The following CCDC170 variants were observed in gnomAD, a reference collection of about 807,000 sequenced individuals.
CCDC170 encodes the protein coiled-coil domain-containing protein 170.
A neutral mutation model predicts 72.6 loss-of-function variants in CCDC170; 69 were observed. The ratio of observed to expected loss-of-function variants is 0.95; its 90% CI spans 0.78 to 1.16. The LOEUF (loss-of-function observed/expected upper bound fraction) is 1.16. CCDC170 is among the 50% of genes most tolerant of loss of function. CCDC170 has a pLI of 0.00. For synonymous variants in CCDC170, 300 were observed against 303.9 expected, an observed-to-expected ratio of 0.99 and a Z score of 0.13; for missense variants, 852 against 832.5, an observed-to-expected ratio of 1.02 and a Z score of -0.29.
chr6:151,509,217 T>TCTATCTAC (rs571967245), intron 1 of CCDC170, among the ~76,000 whole-genome samples: 1,307 of 112,526 alleles, frequency 0.012, 12 homozygotes, highest in Middle Eastern at 0.029. Flanking sequence ...CATCTATCTA[T>TCTATCTAC]CTATGTATCT....
chr6:151,536,231 T>C (rs1712860818), intron 1 of CCDC170, 87 bp from the exon 2 acceptor site: 9 of 1,462,148 alleles, frequency 6.2e-6, no homozygotes, highest in Non-Finnish European at 8.6e-6. Context: ...AGAATGCTTC[T>C]GCCTTTAATC....
At chr6:151,511,966 C>T (rs1782156701) in intron 1 of CCDC170, among the ~76,000 whole-genome samples, 1 of 152,016 alleles carries the variant, frequency 6.6e-6, no homozygotes, top group South Asian at 2.1e-4. Flanking sequence ...CCCACCTCAG[C>T]CTCCTGAGTA....
chr6:151,519,181 C>T (rs1014598833), intron 1 of CCDC170, among the ~76,000 whole-genome samples: 25 of 152,266 alleles, frequency 1.6e-4, no homozygotes, highest in Middle Eastern at 3.4e-3. Context: ...ATCTCAACTG[C>T]ATAAGACAGA....
rs748508645 is a variant in CCDC170, at chr6:151,536,458, C to A, written c.186+12C>A. The A allele has an allele frequency of 1.2e-6, 2 of 1,613,438 alleles. No homozygotes were observed. On this transcript the variant is annotated intron_variant, in intron 2 of 10. Coordinates refer to ENST00000239374, the MANE Select transcript of CCDC170 (RefSeq NM_025059.4). Reference sequence around the variant, plus strand: ...GTGCTCAGTCTGAGGTAAGATAATGCATTTCCAGCACTCAGAAATGGGCCT... The same window carrying A: ...GTGCTCAGTCTGAGGTAAGATAATGAATTTCCAGCACTCAGAAATGGGCCT...
chr6:151,568,965 G>T (rs1776179221), intron 5 of CCDC170, among the ~76,000 whole-genome samples: 1 of 152,124 alleles, frequency 6.6e-6, no homozygotes, highest in Non-Finnish European at 1.5e-5. Context: ...AGGGCCAAAA[G>T]ATAAGTGCAT....
At chr6:151,496,907 T>A (rs965532554) in intron 1 of CCDC170, among the ~76,000 whole-genome samples, 4 of 152,198 alleles carry the variant, frequency 2.6e-5, no homozygotes, top group Non-Finnish European at 5.9e-5. Flanking sequence ...CAAGAGAGTG[T>A]CTGACAGAAT....
At position 151,593,182 on chromosome 6, in the gene CCDC170, CG is replaced by C. The variant is rs750613107; in HGVS notation, c.1371del (p.Leu458TrpfsTer5). 1.9e-6 allele frequency: 3 copies of C among 1,614,028 alleles called. No homozygotes were observed. In the East Asian group the frequency reaches 6.7e-5, roughly 36 times the overall value. On this transcript the variant is annotated frameshift_variant, in exon 8 of 11. Coordinates refer to ENST00000239374, the MANE Select transcript of CCDC170 (RefSeq NM_025059.4). LOFTEE classifies it high-confidence loss of function. ...GGCTGCCGAACTTGGCTTTGACATG[CG>C]GCTGGACGTGGTTTTAGCTCGAACA... ...QMAAELGFDM[R>X]LDVVLARTEQ...
chr6:151,573,529 C>T (rs778164819), intron 6 of CCDC170, 38 bp downstream of exon 6: 1 of 1,566,810 alleles, frequency 6.4e-7, no homozygotes, highest in Non-Finnish European at 8.7e-7. Flanking sequence ...ATCTTAAGAA[C>T]AGTGAGCTCA....
At chr6:151,598,911 G>T (rs1776664124) in intron 9 of CCDC170, among the ~76,000 whole-genome samples, 1 of 152,152 alleles carries the variant, frequency 6.6e-6, no homozygotes, top group Non-Finnish European at 1.5e-5. Context: ...GGATGTGCGG[G>T]TGTTCATCCC....
chr6:151,506,706 T>A (rs1040031245), intron 1 of CCDC170, among the ~76,000 whole-genome samples: 10 of 152,174 alleles, frequency 6.6e-5, no homozygotes, highest in African/African-American at 1.9e-4. Flanking sequence ...TGCTGGGAAG[T>A]TTTTTTGGTT....
At chr6:151,560,182 G>A (rs549651144) in intron 5 of CCDC170, among the ~76,000 whole-genome samples, 1 of 152,172 alleles carries the variant, frequency 6.6e-6, no homozygotes, top group East Asian at 1.9e-4. Flanking sequence ...TCCATTCAAT[G>A]AATTTTTAAA....
In CCDC170 at chr6:151,615,508, G is replaced by A; in HGVS notation, c.1776G>A (p.Lys592=). The change falls in exon 10 of 11, where the codon AAG becomes AAA. Residue 592 remains lysine, a synonymous_variant. Transcript: ENST00000239374. ...ACAAATCCAGAGACCAACTGGAGAA[G>A]ATGAAGGAGAAAGCTGAGAAAAAGC... ...DLNKSRDQLE[K]MKEKAEKKLM... The A allele has an allele frequency of 1.2e-6, 2 of 1,614,126 alleles. No homozygotes were observed. The highest frequency in any genetic ancestry group is 1.7e-6 in the Non-Finnish European group (2 of 1,179,990).
intron 1 of CCDC170, among the ~76,000 whole-genome samples, chr6:151,519,954 T>C (rs1782293858): frequency 6.6e-6 from 1 of 152,190 alleles, no homozygotes; most frequent in Non-Finnish European, 1.5e-5. Context: ...CTTTATTGCA[T>C]CCTGTTTTAT....
chr6:151,602,805 T>TC (rs1776730085), intron 9 of CCDC170, among the ~76,000 whole-genome samples: 1 of 150,710 alleles, frequency 6.6e-6, no homozygotes, highest in African/African-American at 2.4e-5. Flanking sequence ...TTTCTTTCTT[T>TC]TTTTTTTTTT....
chr6:151,538,891 C>A (rs372559645), intron 3 of CCDC170, among the ~76,000 whole-genome samples: 3 of 152,080 alleles, frequency 2.0e-5, no homozygotes, highest in African/African-American at 7.2e-5. Flanking sequence ...TTACTTATTT[C>A]ATCTTAAAAA....
rs1042237915 is a variant in CCDC170, at chr6:151,563,231, A to C, written c.775-9943A>C. On this transcript the variant is annotated intron_variant, in intron 5 of 10. Coordinates refer to ENST00000239374, the MANE Select transcript of CCDC170 (RefSeq NM_025059.4). Reference sequence around the variant, plus strand: ...AGAGCTGCTGTGAAGAGCACAAAAAAATGCTATGTCCAAGTATGTGTTCAC... The same window carrying C: ...AGAGCTGCTGTGAAGAGCACAAAAACATGCTATGTCCAAGTATGTGTTCAC... Among the ~76,000 whole-genome samples the C allele has an allele frequency of 5.3e-5, 8 of 152,176 alleles. No homozygotes were observed. The East Asian group carries it at 1.5e-3, about 29-fold the overall frequency.
chr6:151,524,864 T>TA (rs1782376674), intron 1 of CCDC170, among the ~76,000 whole-genome samples: 1 of 151,788 alleles, frequency 6.6e-6, no homozygotes, highest in African/African-American at 2.4e-5. Flanking sequence ...TTACTTTATT[T>TA]AAAAAACAGT....
intron 1 of CCDC170, among the ~76,000 whole-genome samples, chr6:151,521,323 G>A (rs76308391): frequency 0.015 from 2,226 of 152,306 alleles, 52 homozygotes; most frequent in African/African-American, 0.051. Context: ...CTTCTGATAA[G>A]TAATGAGAGT....
chr6:151,521,319 A>G (rs145264485), intron 1 of CCDC170, among the ~76,000 whole-genome samples: 14 of 152,336 alleles, frequency 9.2e-5, no homozygotes, highest in African/African-American at 3.1e-4. Context: ...TATCCTTCTG[A>G]TAAGTAATGA....
Sources: gnomAD v4.1 joint callset for allele counts (sites outside exome capture counted in the v4.1 genomes callset) on GRCh38, gnomAD v4.1.1 for gene constraint, MANE v1.5 for transcripts, NCBI Gene and HGNC (gene_info 2026-07-23, HGNC 2026-07-21) for gene names.